Variants in FSTL5 observed in about 807,000 individuals in gnomAD.
The protein encoded by FSTL5 is follistatin like 5.
In FSTL5, 62 loss-of-function variants were observed where a neutral mutation model predicts 89.1. The ratio of observed to expected loss-of-function variants is 0.70; its 90% confidence interval spans 0.57 to 0.86. FSTL5 has a LOEUF of 0.86. Among genes scored for constraint, FSTL5 ranks in the 40% least tolerant of loss-of-function variants. The pLI is 0.00. For synonymous variants in FSTL5, 383 were observed against 346.2 expected (o/e 1.11, Z -1.18); for missense variants, 1,057 against 1,001.6 (o/e 1.06, Z -0.75).
chr4:161,863,638 T>A (rs1335653576), intron 4 of FSTL5, among the ~76,000 whole-genome samples: 1 of 152,178 alleles, frequency 6.6e-6, no homozygotes, highest in East Asian at 1.9e-4. Context: ...AGAAGTGATT[T>A]TCCTCACCCT....
At chr4:161,743,073 C>G (rs376909459) in intron 6 of FSTL5, among the ~76,000 whole-genome samples, 60 of 152,140 alleles carry the variant, frequency 3.9e-4, no homozygotes, top group African/African-American at 1.4e-3. Context: ...TTGATGAAGT[C>G]TAATGTATCT....
intron 2 of FSTL5, among the ~76,000 whole-genome samples, chr4:162,063,339 C>T (rs148716121): frequency 6.6e-6 from 1 of 151,798 alleles, no homozygotes; most frequent in Non-Finnish European, 1.5e-5. Flanking sequence ...TTCTCTTATA[C>T]AAGAGAAATT....
chr4:161,651,663 A>C (rs1736349559), intron 7 of FSTL5, among the ~76,000 whole-genome samples: 1 of 152,162 alleles, frequency 6.6e-6, no homozygotes, highest in Non-Finnish European at 1.5e-5. Flanking sequence ...TCACCAAAAA[A>C]TATGAGTTAA....
intron 4 of FSTL5, among the ~76,000 whole-genome samples, chr4:161,905,182 T>C (rs889238637): frequency 6.6e-6 from 1 of 152,148 alleles, no homozygotes; most frequent in African/African-American, 2.4e-5. Context: ...TAAATAATTT[T>C]ATTTTATAGA....
At chr4:161,612,920 T>C (rs775625361) in intron 7 of FSTL5, among the ~76,000 whole-genome samples, 1 of 144,384 alleles carries the variant, frequency 6.9e-6, no homozygotes, top group Admixed American at 7.0e-5. Context: ...GTAAATGTAA[T>C]ACAATGGTAT....
rs188338324 is a variant in FSTL5, at chr4:161,427,267, G to A, written c.1841+27737C>T. Among the ~76,000 whole-genome samples, 19 of 152,298 alleles carry A rather than the reference G, an allele frequency of 1.2e-4. No homozygotes were observed. In the East Asian group the frequency reaches 3.1e-3, roughly 25 times the overall value. ...CCATATTATATGCTATGTCAGCCAT[G>A]GGAATGAGCTCAACAGATCTTCTCC... On this transcript the variant is annotated intron_variant, in intron 15 of 15. Coordinates refer to ENST00000306100, the MANE Select transcript of FSTL5 (RefSeq NM_020116.5).
chr4:162,030,582 G>A (rs1737482564), intron 3 of FSTL5, among the ~76,000 whole-genome samples: 1 of 152,130 alleles, frequency 6.6e-6, no homozygotes, highest in Non-Finnish European at 1.5e-5. Context: ...AACTTTTTCG[G>A]TGGATGGACA....
At position 161,670,410 on chromosome 4, in the gene FSTL5, G is replaced by A. The variant is rs145801584; in HGVS notation, c.728-13916C>T. ...ACCCCAGGACATTAATGTTGGAGTC[G>A]ATCAAATGACACATTATTTGCTCTG... On this transcript the variant is annotated intron_variant, in intron 6 of 15. Transcript: ENST00000306100. 6.1e-3 allele frequency among the ~76,000 whole-genome samples: 924 copies of A among 152,184 alleles called. 9 individuals are homozygous for A. Among genetic ancestry groups the A allele is most frequent in the South Asian group, 0.045 (219 of 4,814 alleles).
At chr4:161,433,692 TAAAC>T (rs1328287581) in intron 15 of FSTL5, among the ~76,000 whole-genome samples, 1 of 152,100 alleles carries the variant, frequency 6.6e-6, no homozygotes, top group East Asian at 1.9e-4. Context: ...TTAGAAATGA[TAAAC>T]AAATTCAGTA....
At chr4:161,392,707 AG>A (rs1371346705) in intron 15 of FSTL5, among the ~76,000 whole-genome samples, 3 of 152,180 alleles carry the variant, frequency 2.0e-5, no homozygotes, top group Admixed American at 1.3e-4. Context: ...ATCTGAAAAG[AG>A]TAGCTTCCCT....
At chr4:161,712,720 T>C (rs73862378) in intron 6 of FSTL5, among the ~76,000 whole-genome samples, 1,704 of 151,622 alleles carry the variant, frequency 0.011, 26 homozygotes, top group African/African-American at 0.037. Flanking sequence ...AGTGAGTATG[T>C]TCTCACTCCA....
intron 7 of FSTL5, among the ~76,000 whole-genome samples, chr4:161,641,294 T>C (rs568599994): frequency 2.0e-5 from 3 of 152,308 alleles, no homozygotes; most frequent in African/African-American, 7.2e-5. Context: ...ATCATAACTT[T>C]GGTTTGTAAC....
rs925291271 is a variant in FSTL5 at position 161,771,297 on chromosome 4, C to G, written c.606+4581G>C. On this transcript the variant is annotated intron_variant, in intron 5 of 15. Transcript: ENST00000306100. ...GATATGAAAGTGTACGTATAAGTAACAAGTACATCATGCTTTCTATGTGCT... is the reference window on the plus strand; with the variant it reads ...GATATGAAAGTGTACGTATAAGTAAGAAGTACATCATGCTTTCTATGTGCT... Among the ~76,000 whole-genome samples, 3 of 152,000 alleles carry G rather than the reference C, an allele frequency of 2.0e-5. No individual in the cohort carries two copies. In the East Asian group the frequency reaches 5.8e-4, roughly 29 times the overall value.
intron 4 of FSTL5, among the ~76,000 whole-genome samples, chr4:161,891,800 A>G (rs1560902426): frequency 6.6e-6 from 1 of 152,066 alleles, no homozygotes; most frequent in Non-Finnish European, 1.5e-5. Flanking sequence ...GTTAGAGAAA[A>G]GCAAATGAGA....
chr4:161,413,882 C>T (rs950020569), intron 15 of FSTL5, among the ~76,000 whole-genome samples: 12 of 152,140 alleles, frequency 7.9e-5, no homozygotes, highest in East Asian at 3.9e-4. Context: ...TTCATGTGGA[C>T]GTAAATACAG....
At chr4:161,551,727 A>C (rs182965846) in intron 8 of FSTL5, among the ~76,000 whole-genome samples, 11,306 of 151,954 alleles carry the variant, frequency 0.074, 533 homozygotes, top group Middle Eastern at 0.16. Context: ...GAAAAACAAG[A>C]AATGGGGAAA....
At chr4:161,975,249 C>G (rs981863378) in intron 3 of FSTL5, among the ~76,000 whole-genome samples, 23 of 144,668 alleles carry the variant, frequency 1.6e-4, no homozygotes, top group Non-Finnish European at 3.2e-4. Context: ...CATCCCATTA[C>G]TGGGTATATA....
intron 1 of FSTL5, among the ~76,000 whole-genome samples, chr4:162,156,787 G>A (rs1210815972): frequency 1.3e-5 from 2 of 152,024 alleles, no homozygotes; most frequent in Non-Finnish European, 2.9e-5. Context: ...ACTAATTATT[G>A]GGTATTATGC....
intron 4 of FSTL5, among the ~76,000 whole-genome samples, chr4:161,919,754 T>C (rs1733940531): frequency 6.6e-6 from 1 of 152,200 alleles, no homozygotes; most frequent in African/African-American, 2.4e-5. Context: ...AACTGAATGA[T>C]GTTAAAACTG....
Sources: allele counts gnomAD v4.1 joint callset (sites outside exome capture counted in the v4.1 genomes callset), GRCh38; gene constraint gnomAD v4.1.1; transcripts MANE v1.5; gene names NCBI Gene and HGNC (gene_info 2026-07-23, HGNC 2026-07-21).